Variants in ZBTB43 observed in about 807,000 individuals in gnomAD.
The protein encoded by ZBTB43 is zinc finger and BTB domain containing 43, also known as zinc finger and BTB domain-containing protein 43.
A neutral mutation model predicts 31.1 loss-of-function variants in ZBTB43; 6 were observed. The ratio of observed to expected loss-of-function variants is 0.19; its 90% CI spans 0.11 to 0.38. ZBTB43 has a LOEUF of 0.38. Among genes scored for constraint, ZBTB43 ranks in the 10% least tolerant of loss-of-function variants. The pLI is 1.00. For missense variants in ZBTB43, 379 were observed against 602.1 expected (o/e 0.63, Z 3.88); for synonymous variants, 212 against 221.7 (o/e 0.96, Z 0.39).
chr9:126,825,842 A>ATTTTTTT (rs72512629), intron 2 of ZBTB43, among the ~76,000 whole-genome samples: 2 of 91,200 alleles, frequency 2.2e-5, no homozygotes, highest in Non-Finnish European at 4.6e-5. Flanking sequence ...TCCTTTTTAT[A>ATTTTTTT]TTTTTTTTTT....
chr9:126,831,654 TAAA>T (rs904060612), intron 2 of ZBTB43: 1 of 151,866 alleles, frequency 6.6e-6, no homozygotes, highest in African/African-American at 2.4e-5. Context: ...ATTAATTTTT[TAAA>T]AAAACTAGCT....
In ZBTB43 at chr9:126,818,573, C is replaced by T. The variant is rs12352001; in HGVS notation, c.-24+9658C>T. 3.4e-3 allele frequency among the ~76,000 whole-genome samples: 510 copies of T among 152,228 alleles called. 5 individuals are homozygous for T. The highest frequency in any genetic ancestry group is 0.015 in the East Asian group (80 of 5,186). ...TGAGTGTTTTTGTCATGAAAGGGTG[C>T]TGAATTTTGTCAGATGCTTTTTCTG... On this transcript the variant is annotated intron_variant, in intron 2 of 2. Coordinates refer to ENST00000373464, the MANE Select transcript of ZBTB43 (RefSeq NM_014007.4).
chr9:126,806,822 T>C lies in ZBTB43; in HGVS notation c.-147+1690T>C, dbSNP rs531133433. Among the ~76,000 whole-genome samples the C allele has an allele frequency of 1.8e-4, 27 of 152,300 alleles. No homozygotes were observed. In the South Asian group the frequency reaches 5.2e-3, roughly 29 times the overall value. ...TACAGCTGAGGTTCTTAGAAAAGTT[T>C]AGTTAAATGAATTTGGTTAAAATCT... is the stretch of plus-strand genomic sequence containing the variant. On this transcript the variant is annotated intron_variant, in intron 1 of 2. Transcript: ENST00000373464.
chr9:126,814,882 C>T (rs2032341072), intron 2 of ZBTB43, among the ~76,000 whole-genome samples: 1 of 150,606 alleles, frequency 6.6e-6, no homozygotes, highest in East Asian at 2.0e-4. Context: ...ACAGGCCTTT[C>T]CGCCCCCTCC....
chr9:126,822,482 C>CATAA (rs1049474741), intron 2 of ZBTB43, among the ~76,000 whole-genome samples: 1 of 152,150 alleles, frequency 6.6e-6, no homozygotes, highest in Admixed American at 6.5e-5. Context: ...GTGGCTCATG[C>CATAA]TTATAGTTCC....
chr9:126,809,748 G>A (rs1173399583), intron 2 of ZBTB43, among the ~76,000 whole-genome samples: 4 of 152,098 alleles, frequency 2.6e-5, no homozygotes, highest in Non-Finnish European at 4.4e-5. Flanking sequence ...AAGCATAGTG[G>A]AACAGGCTGG....
intron 2 of ZBTB43, among the ~76,000 whole-genome samples, chr9:126,813,030 G>C (rs1376755327): frequency 6.6e-6 from 1 of 151,390 alleles, no homozygotes; most frequent in African/African-American, 2.4e-5. Context: ...GCCCAGGCTG[G>C]AGTGCTTTGG....
intron 2 of ZBTB43, among the ~76,000 whole-genome samples, chr9:126,824,475 C>T (rs1433096582): frequency 6.6e-6 from 1 of 152,192 alleles, no homozygotes; most frequent in Non-Finnish European, 1.5e-5. Flanking sequence ...AGTGAACATC[C>T]TTAGCTTTTG....
intron 1 of ZBTB43, among the ~76,000 whole-genome samples, chr9:126,807,212 C>T (rs928115882): frequency 6.6e-6 from 1 of 152,188 alleles, no homozygotes; most frequent in African/African-American, 2.4e-5. Context: ...AGAAACCCTG[C>T]TAATTGAACT....
At chr9:126,808,551 T>TG (rs2032176884) in intron 1 of ZBTB43, among the ~76,000 whole-genome samples, 1 of 152,228 alleles carries the variant, frequency 6.6e-6, no homozygotes, top group South Asian at 2.1e-4. Flanking sequence ...GAGAGGTATA[T>TG]GGGAGTTATG....
In ZBTB43 at chr9:126,833,473, A is replaced by G. The variant is rs2032814555; in HGVS notation, c.964A>G (p.Met322Val). The change falls in exon 3 of 3, where the codon ATG (methionine) becomes GTG (valine). Residue 322 changes from methionine to valine, a missense_variant. By Grantham distance (21) the Met-to-Val change is conservative. Coordinates refer to ENST00000373464, the MANE Select transcript of ZBTB43 (RefSeq NM_014007.4). The surrounding 1 kb of genome is among the most constrained non-coding windows in gnomAD (Gnocchi z 7.9). ...GCAGGTGGATTTCTATGGCTCTTCC[A>G]TGGAAGAGTTTTCCGGAGAGAGGTC... ...DEQVDFYGSSMEEFSGERSDG... is the reference protein window; with the variant it reads ...DEQVDFYGSSVEEFSGERSDG... 1 of 1,614,100 alleles carries G rather than the reference A, an allele frequency of 6.2e-7. No homozygotes were observed. Among genetic ancestry groups the G allele is most frequent in the Admixed American group, 1.7e-5 (1 of 60,006 alleles).
chr9:126,829,049 T>C (rs897427484), intron 2 of ZBTB43, among the ~76,000 whole-genome samples: 1 of 152,238 alleles, frequency 6.6e-6, no homozygotes, highest in African/African-American at 2.4e-5. Context: ...TTAAATGATA[T>C]CCAGTCTTGT....
intron 2 of ZBTB43, among the ~76,000 whole-genome samples, chr9:126,826,445 C>G (rs1188080772): frequency 6.8e-6 from 1 of 146,020 alleles, no homozygotes; most frequent in Non-Finnish European, 1.5e-5. Context: ...CCACTCCTGG[C>G]CCCCCCGCCT....
intron 2 of ZBTB43, among the ~76,000 whole-genome samples, chr9:126,811,374 A>G (rs1002625710): frequency 6.6e-6 from 1 of 152,110 alleles, no homozygotes; most frequent in Non-Finnish European, 1.5e-5. Context: ...TCTATCTCCA[A>G]TTCTGTACAA....
At chr9:126,807,053 G>T (rs998742482) in intron 1 of ZBTB43, among the ~76,000 whole-genome samples, 2 of 152,074 alleles carry the variant, frequency 1.3e-5, no homozygotes, top group African/African-American at 4.8e-5. Flanking sequence ...TGCCTTTGTG[G>T]TTTTTTTGTT....
intron 2 of ZBTB43, among the ~76,000 whole-genome samples, chr9:126,813,479 T>C (rs551428642): frequency 1.3e-5 from 2 of 152,286 alleles, no homozygotes; most frequent in Admixed American, 1.3e-4. Flanking sequence ...CTCCCATCAC[T>C]CATTGTCACT....
intron 2 of ZBTB43, among the ~76,000 whole-genome samples, chr9:126,812,253 CT>C (rs1404293483): frequency 1.3e-5 from 2 of 151,834 alleles, no homozygotes; most frequent in Non-Finnish European, 2.9e-5. Flanking sequence ...GTATTTCGTT[CT>C]TTTTTATTGC....
chr9:126,818,353 C>CA (rs1392730712), intron 2 of ZBTB43, among the ~76,000 whole-genome samples: 2 of 151,804 alleles, frequency 1.3e-5, no homozygotes, highest in African/African-American at 4.8e-5. Context: ...AGGCTGGACT[C>CA]AAACTTCTGG....
intron 2 of ZBTB43, among the ~76,000 whole-genome samples, chr9:126,818,765 G>A (rs2119134161): frequency 6.6e-6 from 1 of 152,212 alleles, no homozygotes; most frequent in South Asian, 2.1e-4. Context: ...AATTTGGTTT[G>A]GTAGTATTTT....
Sources: gnomAD v4.1 joint callset for allele counts (sites outside exome capture counted in the v4.1 genomes callset) on GRCh38, gnomAD v4.1.1 for gene constraint, Gnocchi (gnomAD v3.1) non-coding constraint, MANE v1.5 for transcripts, NCBI Gene and HGNC (gene_info 2026-07-23, HGNC 2026-07-21) for gene names.